Variants in KCNQ3 observed in about 807,000 individuals in gnomAD.
KCNQ3 encodes the protein potassium voltage-gated channel subfamily Q member 3, also known as potassium voltage-gated channel subfamily KQT member 3.
KCNQ3 carries 30 observed loss-of-function variants against 92.5 expected under a neutral mutation model. That is an observed-to-expected ratio of 0.32 (90% CI 0.24 to 0.44). The LOEUF is 0.44. Ranked by LOEUF, KCNQ3 falls within the 20% of genes least tolerant of loss-of-function variation. The pLI, the probability that KCNQ3 is intolerant of heterozygous loss-of-function variation, is 1.00. For missense variants in KCNQ3, 913 were observed against 1,140.3 expected, an observed-to-expected ratio of 0.80 and a Z score of 2.87; for synonymous variants, 450 against 468.8, an observed-to-expected ratio of 0.96 and a Z score of 0.52.
intron 1 of KCNQ3, among the ~76,000 whole-genome samples, chr8:132,348,008 C>G (rs7013644): frequency 0.012 from 1,783 of 148,422 alleles, 47 homozygotes; most frequent in African/African-American, 0.042. Flanking sequence ...AAAAGGAAAA[C>G]CCACTATTCC....
At chr8:132,213,394 G>A (rs972828830) in intron 1 of KCNQ3, among the ~76,000 whole-genome samples, 3 of 152,162 alleles carry the variant, frequency 2.0e-5, no homozygotes, top group African/African-American at 7.2e-5. Context: ...GGGGAAAAAG[G>A]ATTCTGGCTT....
intron 1 of KCNQ3, among the ~76,000 whole-genome samples, chr8:132,285,213 T>C (rs1229000464): frequency 6.6e-6 from 1 of 152,090 alleles, no homozygotes; most frequent in Non-Finnish European, 1.5e-5. Context: ...AAAAAGCCTG[T>C]GTTGCATGAA....
At chr8:132,219,966 G>T (rs1017503803) in intron 1 of KCNQ3, among the ~76,000 whole-genome samples, 2 of 152,058 alleles carry the variant, frequency 1.3e-5, no homozygotes, top group Non-Finnish European at 2.9e-5. Context: ...AAAGATAACT[G>T]TGGCGTGAGC....
At chr8:132,291,099 T>A (rs145968873) in intron 1 of KCNQ3, among the ~76,000 whole-genome samples, 16 of 152,302 alleles carry the variant, frequency 1.1e-4, no homozygotes, top group African/African-American at 3.6e-4. Context: ...CAAAAATCAT[T>A]TTTGTACAGT....
intron 1 of KCNQ3, among the ~76,000 whole-genome samples, chr8:132,362,818 T>C (rs1819207586): frequency 1.3e-5 from 2 of 152,068 alleles, no homozygotes; most frequent in Admixed American, 6.5e-5. Flanking sequence ...AGCAGATGTA[T>C]TGAGCTGGGA....
At chr8:132,397,181 A>G (rs1253007384) in intron 1 of KCNQ3, among the ~76,000 whole-genome samples, 2 of 152,108 alleles carry the variant, frequency 1.3e-5, no homozygotes, top group African/African-American at 2.4e-5. Flanking sequence ...TCACTACTGG[A>G]AACTTCATTA....
rs7840360 is a variant in KCNQ3 at position 132,241,969 on chromosome 8, C to T, written c.387-55788G>A. On this transcript the variant is annotated intron_variant, in intron 1 of 14. Transcript: ENST00000388996. The stretch of plus-strand genomic sequence containing the variant: ...ACTGAAAACTGTATCAAGCATTATA[C>T]CGTCAAGGGCATCTAGGTAGATCAA... 4.7e-3 allele frequency among the ~76,000 whole-genome samples: 710 copies of T among 152,264 alleles called. 7 individuals carry two copies. Among genetic ancestry groups the T allele is most frequent in the African/African-American group, 0.017 (687 of 41,556 alleles).
At chr8:132,257,702 A>T (rs1251485621) in intron 1 of KCNQ3, among the ~76,000 whole-genome samples, 1 of 145,360 alleles carries the variant, frequency 6.9e-6, no homozygotes, top group Non-Finnish European at 1.5e-5. Flanking sequence ...AGCTGAGAGC[A>T]TGCCACTGTC....
intron 1 of KCNQ3, among the ~76,000 whole-genome samples, chr8:132,362,621 C>T (rs185515972): frequency 2.6e-5 from 4 of 152,236 alleles, no homozygotes; most frequent in African/African-American, 4.8e-5. Flanking sequence ...CTCTGCTGAA[C>T]GGGAAGTCAC....
chr8:132,370,364 C>A (rs1001507305), intron 1 of KCNQ3, among the ~76,000 whole-genome samples: 2 of 152,182 alleles, frequency 1.3e-5, no homozygotes, highest in Admixed American at 1.3e-4. Context: ...AAAGCTGACC[C>A]CACAGCAGGA....
At chr8:132,142,628 T>A (rs79311366) in intron 9 of KCNQ3, among the ~76,000 whole-genome samples, 8,735 of 152,280 alleles carry the variant, frequency 0.057, 373 homozygotes, top group South Asian at 0.12. Context: ...TCTGCTCCCT[T>A]ACCCCACACA....
chr8:132,245,281 AC>A (rs920396129), intron 1 of KCNQ3, among the ~76,000 whole-genome samples: 1 of 152,022 alleles, frequency 6.6e-6, no homozygotes, highest in African/African-American at 2.4e-5. Context: ...ACTTGTACCT[AC>A]CTTTTGCACA....
rs374027325 is a variant in KCNQ3 at position 132,461,544 on chromosome 8, G to A, written c.386+18603C>T. ...TGTGCCATTGCACTCCAGCCTGGGC[G>A]ACAAGAGCAGGACTCCGTCTCAAAA... is the stretch of plus-strand genomic sequence containing the variant. On this transcript the variant is annotated intron_variant, in intron 1 of 14. Transcript: ENST00000388996. Among the ~76,000 whole-genome samples, 57 of 152,194 alleles carry A rather than the reference G, an allele frequency of 3.7e-4. No homozygotes were observed. In the East Asian group the frequency reaches 0.011, roughly 28 times the overall value.
intron 4 of KCNQ3, among the ~76,000 whole-genome samples, chr8:132,178,185 C>A (rs1048871958): frequency 1.3e-5 from 2 of 152,200 alleles, no homozygotes; most frequent in African/African-American, 4.8e-5. Flanking sequence ...CAACTCAGCT[C>A]CATGGATACA....
intron 1 of KCNQ3, among the ~76,000 whole-genome samples, chr8:132,319,602 A>T (rs1270661704): frequency 6.6e-6 from 1 of 152,310 alleles, no homozygotes; most frequent in Admixed American, 6.5e-5. Context: ...CCCTCGTCCG[A>T]TGGCCCCGGG....
chr8:132,127,769 A>G lies in KCNQ3; in HGVS notation c.*1493T>C, dbSNP rs1824718469. On this transcript the variant is annotated 3_prime_UTR_variant, in exon 15 of 15. Transcript: ENST00000388996. ...AACCTTTTCCATCAAAGTTTTTCAGAGAATAACAACATCTCATAAGAGGCC... is the reference window on the plus strand; with the variant it reads ...AACCTTTTCCATCAAAGTTTTTCAGGGAATAACAACATCTCATAAGAGGCC... 1 of 152,278 alleles carries G rather than the reference A, an allele frequency of 6.6e-6. No individual in the cohort carries two copies. The highest frequency in any genetic ancestry group is 6.5e-5 in the Admixed American group (1 of 15,292). The allele number at this position is 152,278 out of a possible 1,614,324, so 9.4% of individuals were successfully genotyped here.
intron 1 of KCNQ3, among the ~76,000 whole-genome samples, chr8:132,356,170 G>A (rs1024683439): frequency 1.3e-5 from 2 of 152,178 alleles, no homozygotes; most frequent in Non-Finnish European, 2.9e-5. Flanking sequence ...ATGAATATTA[G>A]TTCCTTGTTA....
intron 1 of KCNQ3, among the ~76,000 whole-genome samples, chr8:132,350,031 C>T (rs1818812030): frequency 1.3e-5 from 2 of 152,158 alleles, no homozygotes; most frequent in African/African-American, 4.8e-5. Context: ...AATGGAGCCT[C>T]TTTTGACAGT....
In KCNQ3 at chr8:132,137,922, G is replaced by A. The variant is rs141361892; in HGVS notation, c.1663C>T (p.Leu555Phe). The change falls in exon 12 of 15, where the codon CTC becomes TTC. Residue 555 changes from leucine (L) to phenylalanine (F), a missense_variant. Physicochemically the swap from Leu to Phe is conservative, Grantham distance 22 (BLOSUM62 0). This residue lies in a region of KCNQ3 where 182 missense variants were observed against 234.5 expected (regional missense o/e 0.78). Transcript: ENST00000388996. ...TACTTTATCCTGGAAAGCATGTCGA[G>A]ATGCCCGGCAGAATACTGCTCAATC... ...DVIEQYSAGH[L>F]DMLSRIKYLQ... is the part of the protein sequence containing the mutation. 2.5e-6 allele frequency: 4 copies of A among 1,613,940 alleles called. No individual in the cohort carries two copies. Among genetic ancestry groups the A allele is most frequent in the Non-Finnish European group, 3.4e-6 (4 of 1,180,010 alleles).
Sources: gnomAD v4.1 joint callset for allele counts (sites outside exome capture counted in the v4.1 genomes callset) on GRCh38, gnomAD v4.1.1 for gene constraint, gnomAD v4.1.1 regional missense constraint, MANE v1.5 for transcripts, NCBI Gene and HGNC (gene_info 2026-07-23, HGNC 2026-07-21) for gene names.